ESR1: variants seen among roughly 807,000 people sequenced by gnomAD.
ESR1 encodes estrogen receptor.
ESR1 carries 12 observed loss-of-function variants against 52.7 expected under a neutral mutation model. The ratio of observed to expected loss-of-function variants is 0.23; its 90% CI spans 0.15 to 0.37. The LOEUF (loss-of-function observed/expected upper bound fraction) is 0.37, where lower values mean the gene tolerates loss of function less well. Ranked by LOEUF, ESR1 falls within the 10% of genes least tolerant of loss-of-function variation. ESR1 has a pLI of 1.00. For missense variants in ESR1, 584 were observed against 779.7 expected (o/e 0.75, Z 2.99); for synonymous variants, 305 against 316.8 (o/e 0.96, Z 0.39).
intron 6 of ESR1, among the ~76,000 whole-genome samples, chr6:152,109,503 CA>C (rs1337555455): frequency 2.3e-3 from 316 of 137,676 alleles, no homozygotes; most frequent in Middle Eastern, 7.5e-3. Flanking sequence ...CCGTCTCTAC[CA>C]AAAAAAAAAA....
At chr6:152,109,398 G>A (rs1020477238) in intron 6 of ESR1, among the ~76,000 whole-genome samples, 5 of 152,070 alleles carry the variant, frequency 3.3e-5, no homozygotes, top group African/African-American at 7.2e-5. Flanking sequence ...GGGCGCAGTG[G>A]CTTACACCTG....
intron 2 of ESR1, among the ~76,000 whole-genome samples, chr6:151,744,932 A>G (rs1783375692): frequency 6.6e-6 from 1 of 152,142 alleles, no homozygotes; most frequent in African/African-American, 2.4e-5. Context: ...GCATGTGGCT[A>G]TCCAGTTGTC....
At chr6:151,765,248 A>G (rs1449151187) in intron 2 of ESR1, among the ~76,000 whole-genome samples, 1 of 152,214 alleles carries the variant, frequency 6.6e-6, no homozygotes, top group Non-Finnish European at 1.5e-5. Context: ...TAATCTGTAG[A>G]TAGATATCGT....
chr6:151,972,174 CA>C (rs1474185505), intron 4 of ESR1, among the ~76,000 whole-genome samples: 1 of 151,858 alleles, frequency 6.6e-6, no homozygotes, highest in African/African-American at 2.4e-5. Flanking sequence ...AAATTGCCAA[CA>C]AAAAAAGTCC....
chr6:151,907,353 A>G (rs1224221144), intron 3 of ESR1, among the ~76,000 whole-genome samples: 1 of 152,042 alleles, frequency 6.6e-6, no homozygotes, highest in Non-Finnish European at 1.5e-5. Flanking sequence ...CTCTCCATTT[A>G]TTTTAGGTCT....
intron 2 of ESR1, among the ~76,000 whole-genome samples, chr6:151,738,879 G>T (rs1379561663): frequency 6.6e-6 from 1 of 152,148 alleles, no homozygotes; most frequent in Non-Finnish European, 1.5e-5. Flanking sequence ...CTTGGGAGTT[G>T]TCCCCTAAGG....
At chr6:152,044,652 T>C (rs966435947) in intron 5 of ESR1, among the ~76,000 whole-genome samples, 24 of 151,752 alleles carry the variant, frequency 1.6e-4, no homozygotes, top group African/African-American at 5.3e-4. Flanking sequence ...GCTGAAGAAC[T>C]TGTAGTCCAA....
chr6:151,782,074 T>C (rs1374943453), intron 2 of ESR1, among the ~76,000 whole-genome samples: 5 of 152,164 alleles, frequency 3.3e-5, no homozygotes, highest in South Asian at 2.1e-4. Flanking sequence ...TTAGAAAAAG[T>C]TGGGATCTTG....
intron 2 of ESR1, among the ~76,000 whole-genome samples, chr6:151,730,722 C>T (rs1782175532): frequency 6.6e-6 from 1 of 152,198 alleles, no homozygotes; most frequent in African/African-American, 2.4e-5. Flanking sequence ...TCACTAGGAA[C>T]TAGACTGCTT....
At chr6:151,817,396 A>T (rs2128181431) in intron 1 of ESR1, among the ~76,000 whole-genome samples, 1 of 152,256 alleles carries the variant, frequency 6.6e-6, no homozygotes, top group African/African-American at 2.4e-5. Flanking sequence ...CATGGAGGGA[A>T]GTGAGACTAG....
At chr6:151,873,536 C>G (rs1390148749) in intron 2 of ESR1, among the ~76,000 whole-genome samples, 1 of 152,154 alleles carries the variant, frequency 6.6e-6, no homozygotes, top group Non-Finnish European at 1.5e-5. Context: ...TCTACTCAGG[C>G]CTGGGCAGTT....
intron 1 of ESR1, among the ~76,000 whole-genome samples, chr6:151,676,150 C>G (rs887254689): frequency 6.6e-6 from 1 of 152,278 alleles, no homozygotes; most frequent in Admixed American, 6.5e-5. Flanking sequence ...GCAGGGGTCA[C>G]AGGGAGGAGA....
At chr6:152,091,531 C>T (rs949489561) in intron 6 of ESR1, among the ~76,000 whole-genome samples, 6 of 152,174 alleles carry the variant, frequency 3.9e-5, no homozygotes, top group African/African-American at 1.4e-4. Context: ...GCTTGGAATC[C>T]TTAGCATAGT....
At chr6:152,117,748 T>C (rs2051226642) in intron 6 of ESR1, among the ~76,000 whole-genome samples, 1 of 152,244 alleles carries the variant, frequency 6.6e-6, no homozygotes, top group Admixed American at 6.5e-5. Flanking sequence ...CTTATTCATC[T>C]GAGTGAGGGT....
chr6:152,000,792 G>A (rs2041887363), intron 4 of ESR1, among the ~76,000 whole-genome samples: 1 of 151,804 alleles, frequency 6.6e-6, no homozygotes, highest in Non-Finnish European at 1.5e-5. Context: ...TTGTTTTTTG[G>A]TCTTTTTTAG....
At chr6:152,005,836 T>C (rs1195658715) in intron 4 of ESR1, among the ~76,000 whole-genome samples, 1 of 152,036 alleles carries the variant, frequency 6.6e-6, no homozygotes, top group Admixed American at 6.6e-5. Context: ...GAGTGTGCCC[T>C]CCAGATAATC....
At chr6:152,001,445 A>G (rs934127537) in intron 4 of ESR1, among the ~76,000 whole-genome samples, 13 of 152,066 alleles carry the variant, frequency 8.5e-5, no homozygotes, top group African/African-American at 3.1e-4. Context: ...AAAGACATGA[A>G]TACATCTTAA....
At chr6:152,097,443 T>C (rs2050707955) in intron 7 of ESR1, among the ~76,000 whole-genome samples, 1 of 152,082 alleles carries the variant, frequency 6.6e-6, no homozygotes, top group African/African-American at 2.4e-5. Context: ...ATTTAGATCA[T>C]GCTGTAGGCC....
chr6:151,826,083 G>C (rs6910339), intron 1 of ESR1, among the ~76,000 whole-genome samples: 2 of 151,652 alleles, frequency 1.3e-5, no homozygotes, highest in Non-Finnish European at 2.9e-5. Flanking sequence ...GGGGAGGGGG[G>C]TGGCGGGGAA....
Sources: gnomAD v4.1 joint callset for allele counts (sites outside exome capture counted in the v4.1 genomes callset) on GRCh38, gnomAD v4.1.1 for gene constraint, MANE v1.5 for transcripts, NCBI Gene and HGNC (gene_info 2026-07-23, HGNC 2026-07-21) for gene names.